Variants in DRC1 observed in about 807,000 individuals in gnomAD.
DRC1 encodes dynein regulatory complex protein 1.
Under a neutral mutation model 98.7 loss-of-function variants are expected in DRC1, and 74 were observed. The observed-to-expected ratio is 0.75, with a 90% CI of 0.62 to 0.91. The LOEUF (loss-of-function observed/expected upper bound fraction) is 0.91, where lower values mean the gene tolerates loss of function less well. DRC1 is among the 40% of genes least tolerant of loss of function. The probability of loss-of-function intolerance (pLI) is 0.00; values close to 1 mark genes in which losing one functional copy is unlikely to be tolerated. For synonymous variants in DRC1, 336 were observed against 334.1 expected (o/e 1.01, Z -0.06); for missense variants, 875 against 886.0 (o/e 0.99, Z 0.16).
chr2:26,403,043 A>T, intron 1 of DRC1, among the ~76,000 whole-genome samples: 1 of 152,246 alleles, frequency 6.6e-6, no homozygotes, highest in Non-Finnish European at 1.5e-5. Context: ...ATAAAGCTTT[A>T]TTTATGGACA....
chr2:26,448,777 A>G lies in DRC1; in HGVS notation c.1483A>G (p.Ile495Val). ...KQISEKTTKR[I>V]LMLLCDESGF... ...AATTTCTGAAAAAACTACCAAGAGGATCCTGATGCTCCTGTGTGACGAGTC... is the reference window on the plus strand; with the variant it reads ...AATTTCTGAAAAAACTACCAAGAGGGTCCTGATGCTCCTGTGTGACGAGTC... Residue 495 changes from isoleucine to valine, a missense_variant, in exon 11 of 17, where the codon ATC (isoleucine) becomes GTC (valine). Coordinates refer to ENST00000288710, the MANE Select transcript of DRC1 (RefSeq NM_145038.5). 6.2e-7 allele frequency: 1 copy of G among 1,614,216 alleles called. No homozygotes were observed. The highest frequency in any genetic ancestry group is 8.5e-7 in the Non-Finnish European group (1 of 1,180,048).
chr2:26,403,639 AC>A (rs1195721808), intron 1 of DRC1, among the ~76,000 whole-genome samples: 2 of 151,996 alleles, frequency 1.3e-5, no homozygotes, highest in East Asian at 3.9e-4. Context: ...TACTAAAAAT[AC>A]AAAAATTAGC....
At chr2:26,425,563 C>T (rs770206325) in intron 4 of DRC1, among the ~76,000 whole-genome samples, 1 of 152,186 alleles carries the variant, frequency 6.6e-6, no homozygotes, top group Non-Finnish European at 1.5e-5. Flanking sequence ...GTTCTAACTT[C>T]TCTGTATTCT....
chr2:26,436,252 C>T (rs950307704), intron 7 of DRC1, among the ~76,000 whole-genome samples: 1 of 152,024 alleles, frequency 6.6e-6, no homozygotes, highest in Non-Finnish European at 1.5e-5. Context: ...TGTTTGTTGG[C>T]TGCATGTATG....
At chr2:26,415,202 G>A (rs1276727038) in intron 2 of DRC1, among the ~76,000 whole-genome samples, 1 of 152,090 alleles carries the variant, frequency 6.6e-6, no homozygotes, top group African/African-American at 2.4e-5. Context: ...ACAGCCCCTG[G>A]GATGCTGAGG....
At chr2:26,425,692 T>C (rs1663265779) in intron 4 of DRC1, among the ~76,000 whole-genome samples, 2 of 152,206 alleles carry the variant, frequency 1.3e-5, no homozygotes, top group South Asian at 4.1e-4. Context: ...ATGTTTTTCA[T>C]GTGTTTATTG....
intron 1 of DRC1, among the ~76,000 whole-genome samples, chr2:26,410,251 T>TTAG (rs1416056738): frequency 7.5e-6 from 1 of 133,318 alleles, no homozygotes; most frequent in Non-Finnish European, 1.5e-5. Context: ...GAAAATATTA[T>TTAG]TATTATTATT....
At position 26,450,096 on chromosome 2, in the gene DRC1, C is replaced by G. The variant is rs368679300; in HGVS notation, c.1599+11C>G. The G allele has an allele frequency of 6.2e-7, 1 of 1,609,490 alleles. No homozygotes were observed. The highest frequency in any genetic ancestry group is 1.3e-5 in the African/African-American group (1 of 74,782). On this transcript the variant is annotated intron_variant, in intron 12 of 16. Transcript: ENST00000288710. Reference sequence around the variant, plus strand: ...GATGCCATCTTCTCCGTGAGTCCAACGGGGCTGGGAGGACACGGGTGGGGC... The same window carrying G: ...GATGCCATCTTCTCCGTGAGTCCAAGGGGGCTGGGAGGACACGGGTGGGGC...
intron 3 of DRC1, among the ~76,000 whole-genome samples, chr2:26,422,202 G>A (rs1209225074): frequency 6.6e-6 from 1 of 152,190 alleles, no homozygotes; most frequent in African/African-American, 2.4e-5. Flanking sequence ...GAGATCACAT[G>A]ATGTGCTTGG....
intron 1 of DRC1, among the ~76,000 whole-genome samples, chr2:26,406,637 G>A (rs116739122): frequency 0.019 from 2,824 of 152,042 alleles, 48 homozygotes; most frequent in Middle Eastern, 0.055. Flanking sequence ...CTTGAACACC[G>A]GGAGGTGGAG....
At chr2:26,433,657 T>C (rs768148257) in intron 7 of DRC1, among the ~76,000 whole-genome samples, 4 of 152,188 alleles carry the variant, frequency 2.6e-5, no homozygotes, top group African/African-American at 4.8e-5. Context: ...TGTCCAAATA[T>C]TTGAGTGAAG....
chr2:26,411,446 A>G (rs1678605878), intron 1 of DRC1, among the ~76,000 whole-genome samples: 1 of 152,198 alleles, frequency 6.6e-6, no homozygotes, highest in African/African-American at 2.4e-5. Context: ...GCGCATTTCA[A>G]TTTGCACCAG....
At chr2:26,431,146 G>A (rs1367560022) in intron 6 of DRC1, among the ~76,000 whole-genome samples, 1 of 152,034 alleles carries the variant, frequency 6.6e-6, no homozygotes, top group Non-Finnish European at 1.5e-5. Flanking sequence ...AGTAGAGACG[G>A]GGTTTCACCA....
At chr2:26,418,451 C>T (rs1678886405) in intron 2 of DRC1, among the ~76,000 whole-genome samples, 1 of 142,630 alleles carries the variant, frequency 7.0e-6, no homozygotes, top group African/African-American at 2.6e-5. Flanking sequence ...CAAACTAGGA[C>T]TTTTAAATTG....
intron 10 of DRC1, among the ~76,000 whole-genome samples, chr2:26,447,660 G>A (rs1357605233): frequency 6.6e-6 from 1 of 151,384 alleles, no homozygotes; most frequent in Non-Finnish European, 1.5e-5. Flanking sequence ...TCCACCTCCT[G>A]GGTTCAAGCG....
intron 1 of DRC1, among the ~76,000 whole-genome samples, chr2:26,410,212 C>T (rs538461808): frequency 1.3e-4 from 19 of 148,158 alleles, no homozygotes; most frequent in Admixed American, 2.0e-4. Context: ...GAAAATAGAG[C>T]GCAAAGAAAA....
Position 26,456,580 on chromosome 2 carries a change from G to A in DRC1, c.*63G>A. The A allele has an allele frequency of 1.3e-6, 2 of 1,599,738 alleles. No individual in the cohort carries two copies. Among genetic ancestry groups the A allele is most frequent in the South Asian group, 2.2e-5 (2 of 90,426 alleles). ...GATGCTGGTGTCTGTGCCGGAGCCA[G>A]CTCATATCACCCACTGGGCCGCACC... is the stretch of plus-strand genomic sequence containing the variant. On this transcript the variant is annotated 3_prime_UTR_variant, in exon 17 of 17. Transcript: ENST00000288710.
intron 8 of DRC1, among the ~76,000 whole-genome samples, chr2:26,443,348 G>A (rs115680254): frequency 0.017 from 2,577 of 152,216 alleles, 86 homozygotes; most frequent in African/African-American, 0.059. Context: ...TTTATGGGCC[G>A]AGTTTCCATG....
Position 26,434,332 on chromosome 2 carries a change from C to T in DRC1, c.888+2326C>T, listed in dbSNP as rs531465080. 2.8e-4 allele frequency among the ~76,000 whole-genome samples: 42 copies of T among 152,238 alleles called. 2 individuals carry two copies. The South Asian group carries it at 4.8e-3, about 17-fold the overall frequency. On this transcript the variant is annotated intron_variant, in intron 7 of 16. Transcript: ENST00000288710. ...GTGTACTTAGGGGGAAACTCCCTAC[C>T]GCTGCCCACCACCCTAAAAGAAAAC...
Sources: gnomAD v4.1 joint callset for allele counts (sites outside exome capture counted in the v4.1 genomes callset) on GRCh38, gnomAD v4.1.1 for gene constraint, MANE v1.5 for transcripts, NCBI Gene and HGNC (gene_info 2026-07-23, HGNC 2026-07-21) for gene names.